The following LPXN variants were observed in gnomAD, a reference collection of about 807,000 sequenced individuals.
The protein encoded by LPXN is leupaxin.
Under a neutral mutation model 45.6 loss-of-function variants are expected in LPXN, and 28 were observed. That is an observed-to-expected ratio of 0.61 (90% CI 0.45 to 0.84). The LOEUF is 0.84. Among genes scored for constraint, LPXN ranks in the 40% least tolerant of loss-of-function variants. The probability of loss-of-function intolerance (pLI) is 0.00; values close to 1 mark genes in which losing one functional copy is unlikely to be tolerated. For synonymous variants in LPXN, 166 were observed against 169.9 expected (o/e 0.98, Z 0.18); for missense variants, 459 against 475.0 (o/e 0.97, Z 0.31).
chr11:58,543,520 A>G (rs1175442515), intron 7 of LPXN, among the ~76,000 whole-genome samples: 3 of 152,186 alleles, frequency 2.0e-5, no homozygotes, highest in Non-Finnish European at 4.4e-5. Flanking sequence ...GGCTCTGTCT[A>G]CAGTACTAAA....
chr11:58,533,843 GGAAAGAAAAAAAAAA>G (rs1202018505), intron 7 of LPXN, among the ~76,000 whole-genome samples: 6 of 150,732 alleles, frequency 4.0e-5, no homozygotes, highest in South Asian at 2.1e-4. Flanking sequence ...CCAAGTAAAC[GGAAAGAAAAAAAAAA>G]GCAGGGGTTG....
chr11:58,568,308 T>G (rs1004490093), intron 2 of LPXN, among the ~76,000 whole-genome samples: 4 of 152,132 alleles, frequency 2.6e-5, no homozygotes, highest in Non-Finnish European at 5.9e-5. Flanking sequence ...TAACCATAAT[T>G]AAGTCAGAAT....
At chr11:58,549,230 C>G (rs376804006) in intron 7 of LPXN, among the ~76,000 whole-genome samples, 42 of 152,230 alleles carry the variant, frequency 2.8e-4, no homozygotes, top group Non-Finnish European at 5.4e-4. Flanking sequence ...ATTGTCCCTA[C>G]TAAAAATACA....
At chr11:58,527,832 G>C in intron 8 of LPXN, 109 bp from the exon 9 acceptor site, 1 of 1,214,038 alleles carries the variant, frequency 8.2e-7, no homozygotes, top group Non-Finnish European at 1.1e-6. Flanking sequence ...GCCAGCTACA[G>C]GAATTTCCCT....
intron 6 of LPXN, 49 bp from the exon 7 acceptor site, chr11:58,549,916 A>G (rs1363732699): frequency 6.2e-7 from 1 of 1,613,826 alleles, no homozygotes; most frequent in Non-Finnish European, 8.5e-7. Context: ...GTTGTAAAGC[A>G]TGACTCTGGT....
intron 3 of LPXN, among the ~76,000 whole-genome samples, chr11:58,555,291 T>C (rs1165604791): frequency 2.0e-5 from 3 of 152,232 alleles, no homozygotes; most frequent in Non-Finnish European, 4.4e-5. Context: ...CTACTGTCCA[T>C]AGCTGCTTTT....
intron 2 of LPXN, among the ~76,000 whole-genome samples, chr11:58,569,641 C>T (rs1854625316): frequency 6.6e-6 from 1 of 152,166 alleles, no homozygotes; most frequent in Non-Finnish European, 1.5e-5. Flanking sequence ...CCCCCCGCCT[C>T]AGCCTTCCAA....
chr11:58,574,508 A>G (rs1292868000), intron 1 of LPXN, among the ~76,000 whole-genome samples: 1 of 152,174 alleles, frequency 6.6e-6, no homozygotes, highest in Non-Finnish European at 1.5e-5. Context: ...GATTTACTAA[A>G]TAAGTATTAG....
At chr11:58,532,262 G>A (rs1023823315) in intron 7 of LPXN, among the ~76,000 whole-genome samples, 5 of 152,188 alleles carry the variant, frequency 3.3e-5, no homozygotes, top group Non-Finnish European at 5.9e-5. Context: ...AAGCCTCCCC[G>A]ACAGGTGCTG....
chr11:58,555,520 C>T (rs914837118), intron 3 of LPXN, among the ~76,000 whole-genome samples: 2 of 152,042 alleles, frequency 1.3e-5, no homozygotes, highest in Admixed American at 1.3e-4. Flanking sequence ...CAAGTAGCTG[C>T]ATAAACATTA....
At chr11:58,529,568 C>A (rs1402601683) in intron 7 of LPXN, among the ~76,000 whole-genome samples, 2 of 148,798 alleles carry the variant, frequency 1.3e-5, no homozygotes, top group African/African-American at 5.0e-5. Context: ...CGAGATCGCA[C>A]CACTGCACTC....
At chr11:58,553,391 A>G (rs557817907) in intron 4 of LPXN, among the ~76,000 whole-genome samples, 87 of 152,228 alleles carry the variant, frequency 5.7e-4, no homozygotes, top group African/African-American at 2.0e-3. Flanking sequence ...AAATCAACCA[A>G]TACACAAGCT....
chr11:58,556,889 G>T (rs926060120), intron 3 of LPXN, among the ~76,000 whole-genome samples: 5 of 152,016 alleles, frequency 3.3e-5, no homozygotes, highest in African/African-American at 1.2e-4. Context: ...ATGAGCAAAG[G>T]ACCTGAATAG....
At chr11:58,545,384 T>C (rs1250742488) in intron 7 of LPXN, among the ~76,000 whole-genome samples, 2 of 152,198 alleles carry the variant, frequency 1.3e-5, no homozygotes, top group African/African-American at 2.4e-5. Flanking sequence ...TTCTCCATCA[T>C]AATGATCCAT....
At chr11:58,546,749 T>C (rs1033882852) in intron 7 of LPXN, among the ~76,000 whole-genome samples, 1 of 152,102 alleles carries the variant, frequency 6.6e-6, no homozygotes, top group African/African-American at 2.4e-5. Flanking sequence ...GGATCAGCAG[T>C]ATTGGGAAAG....
intron 5 of LPXN, 22 bp from the exon 6 acceptor site, chr11:58,550,168 G>C: frequency 6.2e-7 from 1 of 1,605,928 alleles, no homozygotes; most frequent in Non-Finnish European, 8.5e-7. Context: ...AATAAAGCCT[G>C]ACACAGGAGG....
rs147936650 is a variant in LPXN, at chr11:58,567,000, C to CTGTG, written c.172-2803_172-2800dup. ...TTTGTAGATCAGTTACTTATAAAAT[C>CTGTG]TGTGTGTGTGTGTGTGTGTGTGTAT... On this transcript the variant is annotated intron_variant, in intron 2 of 8. Coordinates refer to ENST00000395074, the MANE Select transcript of LPXN (RefSeq NM_004811.3). 3.1e-4 allele frequency among the ~76,000 whole-genome samples: 47 copies of CTGTG among 149,342 alleles called. No individual in the cohort carries two copies. In the South Asian group the frequency reaches 5.7e-3, roughly 18 times the overall value.
intron 4 of LPXN, among the ~76,000 whole-genome samples, chr11:58,552,175 G>T (rs1854072064): frequency 6.6e-6 from 1 of 152,218 alleles, no homozygotes; most frequent in African/African-American, 2.4e-5. Context: ...AATACAGGGA[G>T]ATTTTCAGAT....
At chr11:58,529,653 A>G (rs1474579100) in intron 7 of LPXN, among the ~76,000 whole-genome samples, 1 of 151,972 alleles carries the variant, frequency 6.6e-6, no homozygotes, top group Non-Finnish European at 1.5e-5. Context: ...AAAAACATGA[A>G]TCCCTAAAAA....
Sources: allele counts gnomAD v4.1 joint callset (sites outside exome capture counted in the v4.1 genomes callset), GRCh38; gene constraint gnomAD v4.1.1; transcripts MANE v1.5; gene names NCBI Gene and HGNC (gene_info 2026-07-23, HGNC 2026-07-21).